The following XCR1 variants were observed in gnomAD, a reference collection of about 807,000 sequenced individuals.
The protein encoded by XCR1 is X-C motif chemokine receptor 1, also known as chemokine XC receptor 1.
For missense variants in XCR1, 356 were observed against 424.2 expected, an observed-to-expected ratio of 0.84 and a Z score of 1.41; for synonymous variants, 187 against 188.5, an observed-to-expected ratio of 0.99 and a Z score of 0.06.
Position 46,021,780 on chromosome 3 carries a change from C to T in XCR1, c.168G>A (p.Leu56=). ...GGGACTCCAGGCTCTCATACTTCAC[C>T]AGGACCCACAGGACCAGGCTGTTGC... ...LVGNSLVLWV[L]VKYESLESLT... is the part of the protein sequence containing the mutation. The change falls in exon 2 of 2, where the codon CTG becomes CTA. Residue 56 remains leucine, a synonymous_variant. Transcript: ENST00000309285. This position sits in a 1 kb window ranked among gnomAD's most constrained non-coding sequence, Gnocchi z 4.7. The T allele has an allele frequency of 6.2e-7, 1 of 1,614,064 alleles. No homozygotes were observed. Among genetic ancestry groups the T allele is most frequent in the South Asian group, 1.1e-5 (1 of 91,072 alleles).
chr3:46,056,648 ATT>A (rs1697857357), intron 4 of XCR1, among the ~76,000 whole-genome samples: 1 of 116,498 alleles, frequency 8.6e-6, no homozygotes, highest in South Asian at 2.6e-4. Context: ...TAATTTTTGT[ATT>A]TATTTATTTT....
chr3:46,032,043 G>A (rs943961462), upstream of XCR1, among the ~76,000 whole-genome samples: 4 of 152,224 alleles, frequency 2.6e-5, no homozygotes, highest in Non-Finnish European at 5.9e-5. Context: ...GCTTGATAAA[G>A]CTCTTCATCT....
upstream of XCR1, among the ~76,000 whole-genome samples, chr3:46,028,539 A>T (rs1239887185): frequency 6.7e-6 from 1 of 148,846 alleles, no homozygotes; most frequent in African/African-American, 2.5e-5. Flanking sequence ...GTTTCTTTTT[A>T]ATTCTTCATA....
At chr3:46,039,192 G>T (rs1415657509) in intron 5 of XCR1, among the ~76,000 whole-genome samples, 8 of 151,392 alleles carry the variant, frequency 5.3e-5, no homozygotes, top group Non-Finnish European at 1.5e-5. Flanking sequence ...TAGCTGAAAA[G>T]AAATTATTGT....
chr3:46,078,659 C>T (rs1442659784), intron 1 of XCR1, among the ~76,000 whole-genome samples: 2 of 152,196 alleles, frequency 1.3e-5, no homozygotes, highest in African/African-American at 2.4e-5. Flanking sequence ...CAGCTGCTTC[C>T]TATTGTTTGA....
At chr3:46,043,721 C>CAT (rs1697575771) in intron 5 of XCR1, among the ~76,000 whole-genome samples, 1 of 50,184 alleles carries the variant, frequency 2.0e-5, no homozygotes, top group Non-Finnish European at 3.6e-5. Context: ...CATCTCTACA[C>CAT]ACACACACAC....
chr3:46,038,030 G>GTTTTT (rs368953503), intron 5 of XCR1, among the ~76,000 whole-genome samples: 36 of 123,224 alleles, frequency 2.9e-4, no homozygotes, highest in African/African-American at 6.3e-4. Flanking sequence ...TTTGTTTTTT[G>GTTTTT]TTTTTTTTTT....
chr3:46,021,832 C>T lies in XCR1; in HGVS notation c.116G>A (p.Cys39Tyr), dbSNP rs1708160609. Residue 39 changes from cysteine to tyrosine, a missense_variant, in exon 2 of 2, where the codon TGC becomes TAC. Transcript: ENST00000309285. This position sits in a 1 kb window ranked among gnomAD's most constrained non-coding sequence, Gnocchi z 4.7. Reference sequence around the variant, plus strand: ...CACTAGGCTGAGGAGAAACACCAGGCAGTATAGGACAGTGGTGGCGAGGGT... The same window carrying T: ...CACTAGGCTGAGGAGAAACACCAGGTAGTATAGGACAGTGGTGGCGAGGGT... ...FATLATTVLY[C>Y]LVFLLSLVGN... 1 of 1,613,944 alleles carries T rather than the reference C, an allele frequency of 6.2e-7. No individual in the cohort carries two copies. Among genetic ancestry groups the T allele is most frequent in the African/African-American group, 1.3e-5 (1 of 74,860 alleles).
rs781473412 is a variant in XCR1 at position 46,021,669 on chromosome 3, C to G, written c.279G>C (p.Trp93Cys). ...AGAGGAAGTCTCCCAGCACCCAGCC[C>G]CAGTGGTATGGGGAGATCCACACAG... ...LLPVWISPYH[W>C]GWVLGDFLCK... The change falls in exon 2 of 2, where the codon TGG becomes TGC. Residue 93 changes from tryptophan (W) to cysteine (C), a missense_variant. Coordinates refer to ENST00000309285, the MANE Select transcript of XCR1 (RefSeq NM_001024644.2). The surrounding 1 kb of genome is among the most constrained non-coding windows in gnomAD (Gnocchi z 4.7). The G allele has an allele frequency of 6.2e-7, 1 of 1,606,430 alleles. No homozygotes were observed. Among genetic ancestry groups the G allele is most frequent in the Non-Finnish European group, 8.5e-7 (1 of 1,176,918 alleles).
At chr3:46,068,709 G>A (rs1414969140) in intron 3 of XCR1, among the ~76,000 whole-genome samples, 1 of 151,926 alleles carries the variant, frequency 6.6e-6, no homozygotes, top group African/African-American at 2.4e-5. Flanking sequence ...CATGCTATCT[G>A]CCATCAGCCT....
intron 1 of XCR1, among the ~76,000 whole-genome samples, chr3:46,077,306 T>G (rs1698278856): frequency 6.6e-6 from 1 of 152,100 alleles, no homozygotes; most frequent in Non-Finnish European, 1.5e-5. Context: ...GCAGCAGTAT[T>G]AGATTCTCAT....
chr3:46,068,020 A>T (rs1407334912), intron 3 of XCR1, among the ~76,000 whole-genome samples: 5 of 152,182 alleles, frequency 3.3e-5, no homozygotes, highest in African/African-American at 1.2e-4. Context: ...TAAGCAGGGG[A>T]ATAAGGTCAT....
Position 46,018,782 on chromosome 3 carries a change from C to G in XCR1, c.*2164G>C, listed in dbSNP as rs1708088708. ...GCCTTACAAGCTCTCTCTAGGTTGG[C>G]CAGAGGGCTACATTGGTATCTACTT... On this transcript the variant is annotated 3_prime_UTR_variant, in exon 2 of 2. Coordinates refer to ENST00000309285, the MANE Select transcript of XCR1 (RefSeq NM_001024644.2). 2.0e-5 allele frequency: 3 copies of G among 152,190 alleles called. No individual in the cohort carries two copies. The allele number at this position is 152,190 out of a possible 1,614,324, so 9.4% of individuals were successfully genotyped here. A position where few individuals can be genotyped will look rare whatever the true frequency, so the allele number is the denominator to read the frequency against.
intron 5 of XCR1, among the ~76,000 whole-genome samples, chr3:46,039,844 C>T (rs1006809240): frequency 2.6e-5 from 4 of 152,158 alleles, no homozygotes; most frequent in African/African-American, 7.2e-5. Context: ...ATCAAAATCA[C>T]ACTTACGCAA....
At chr3:46,025,712 A>G (rs1559480809) in intron 1 of XCR1, among the ~76,000 whole-genome samples, 1 of 152,232 alleles carries the variant, frequency 6.6e-6, no homozygotes, top group Admixed American at 6.5e-5. Flanking sequence ...CTTTAGAACT[A>G]GAGGATTTTT....
At chr3:46,072,762 G>GA (rs1171375338) in intron 3 of XCR1, among the ~76,000 whole-genome samples, 1 of 152,072 alleles carries the variant, frequency 6.6e-6, no homozygotes, top group Non-Finnish European at 1.5e-5. Flanking sequence ...ATTGGAATTA[G>GA]AAACAAATTC....
upstream of XCR1, among the ~76,000 whole-genome samples, chr3:46,031,799 T>G (rs140836134): frequency 0.01 from 1,552 of 152,252 alleles, 16 homozygotes; most frequent in Admixed American, 0.018. Context: ...TCAGCCAGAT[T>G]TGGGAAGAGG....
chr3:46,023,943 A>G lies in XCR1; in HGVS notation c.-31-1965T>C, dbSNP rs571771626. ...GTCCAGTAGAAAAGGAGCTGGATGT[A>G]GATGCTGATTTTGTAGAAACGTCAG... On this transcript the variant is annotated intron_variant, in intron 1 of 1. Coordinates refer to ENST00000309285, the MANE Select transcript of XCR1 (RefSeq NM_001024644.2). 14 of 1,472,310 alleles carry G rather than the reference A, an allele frequency of 9.5e-6. No individual in the cohort carries two copies. In the East Asian group the frequency reaches 3.0e-4, roughly 31 times the overall value. 91.2% of individuals were successfully genotyped at this position (1,472,310 alleles called of 1,614,324 possible). A position where few individuals can be genotyped will look rare whatever the true frequency, so the allele number is the denominator to read the frequency against.
upstream of XCR1, among the ~76,000 whole-genome samples, chr3:46,028,744 C>A (rs1036345163): frequency 6.6e-6 from 1 of 151,918 alleles, no homozygotes; most frequent in Non-Finnish European, 1.5e-5. Context: ...TACACAGCAC[C>A]ACATCCAGCT....
Sources: gnomAD v4.1 joint callset for allele counts (sites outside exome capture counted in the v4.1 genomes callset) on GRCh38, gnomAD v4.1.1 for gene constraint, Gnocchi (gnomAD v3.1) non-coding constraint, MANE v1.5 for transcripts, NCBI Gene and HGNC (gene_info 2026-07-23, HGNC 2026-07-21) for gene names.